Variants in IQCM observed in about 807,000 individuals in gnomAD.
The protein encoded by IQCM is IQ motif containing M.
Under a neutral mutation model 57.6 loss-of-function variants are expected in IQCM, and 45 were observed. The observed-to-expected ratio is 0.78, with a 90% confidence interval of 0.62 to 1.00. IQCM has a LOEUF of 1.00. IQCM is among the 50% of genes least tolerant of loss of function. The pLI is 0.00. For synonymous variants in IQCM, 148 were observed against 158.9 expected, an observed-to-expected ratio of 0.93 and a Z score of 0.51; for missense variants, 468 against 511.6, an observed-to-expected ratio of 0.91 and a Z score of 0.82.
intron 7 of IQCM, among the ~76,000 whole-genome samples, chr4:149,653,499 T>A (rs981699375): frequency 1.3e-5 from 2 of 152,016 alleles, no homozygotes; most frequent in Admixed American, 6.6e-5. Flanking sequence ...TATATATATA[T>A]CCTGCACACT....
chr4:149,752,064 T>C (rs2149937571), intron 2 of IQCM, among the ~76,000 whole-genome samples: 1 of 152,268 alleles, frequency 6.6e-6, no homozygotes, highest in East Asian at 1.9e-4. Flanking sequence ...AGGTATAATA[T>C]TTTGTGTACT....
Position 149,687,315 on chromosome 4 carries a change from T to C in IQCM, c.386-847A>G, listed in dbSNP as rs889118593. On this transcript the variant is annotated intron_variant, in intron 5 of 13. Coordinates refer to ENST00000636793, the MANE Select transcript of IQCM (RefSeq NM_001363507.2). ...AGAAATGGAAAACAGAATATCAATA[T>C]TGATTAACTACAGTCGGCCTTCGGT... 3.3e-5 allele frequency among the ~76,000 whole-genome samples: 5 copies of C among 151,542 alleles called. No homozygotes were observed. In the East Asian group the frequency reaches 7.8e-4, roughly 24 times the overall value.
At chr4:149,806,591 T>C (rs552675053) in intron 2 of IQCM, among the ~76,000 whole-genome samples, 5 of 152,174 alleles carry the variant, frequency 3.3e-5, no homozygotes, top group East Asian at 1.9e-4. Flanking sequence ...TTTGTCTTTC[T>C]ATGCCTAGAA....
chr4:149,647,341 ATT>A (rs147184747), intron 7 of IQCM, among the ~76,000 whole-genome samples: 149 of 150,014 alleles, frequency 9.9e-4, no homozygotes, highest in Non-Finnish European at 1.8e-3. Context: ...TTCTAAGAAC[ATT>A]TTTTTTTTAT....
chr4:149,443,114 C>A (rs1579073109), intron 12 of IQCM, among the ~76,000 whole-genome samples: 1 of 152,132 alleles, frequency 6.6e-6, no homozygotes, highest in African/African-American at 2.4e-5. Context: ...GCTGATGTTA[C>A]TATTCACAGG....
chr4:149,647,002 A>T (rs72957446), intron 7 of IQCM, among the ~76,000 whole-genome samples: 1,577 of 152,052 alleles, frequency 0.01, 16 homozygotes, highest in African/African-American at 0.027. Context: ...AATAATAATA[A>T]TTTTTTGTGT....
intron 2 of IQCM, chr4:149,793,591 C>T (rs993295970): frequency 2.6e-5 from 4 of 152,094 alleles, no homozygotes; most frequent in Non-Finnish European, 5.9e-5. Flanking sequence ...CACAAATTTG[C>T]CACAACAAAA....
chr4:149,528,981 A>G (rs549845087), intron 12 of IQCM, among the ~76,000 whole-genome samples: 13 of 152,304 alleles, frequency 8.5e-5, no homozygotes, highest in African/African-American at 3.1e-4. Context: ...AAGTAGCAAT[A>G]AAGCAAAAGT....
chr4:149,481,120 A>C (rs573145793), intron 12 of IQCM, among the ~76,000 whole-genome samples: 1 of 152,104 alleles, frequency 6.6e-6, no homozygotes, highest in Admixed American at 6.6e-5. Flanking sequence ...TTTTTCCTAG[A>C]CAGTTGTTTG....
chr4:149,410,884 T>C (rs1733337850), intron 13 of IQCM, among the ~76,000 whole-genome samples: 1 of 152,154 alleles, frequency 6.6e-6, no homozygotes. Flanking sequence ...TGATTTCACC[T>C]CACTGGATTT....
intron 5 of IQCM, among the ~76,000 whole-genome samples, chr4:149,702,213 A>G (rs1256638056): frequency 6.6e-6 from 1 of 151,774 alleles, no homozygotes; most frequent in Non-Finnish European, 1.5e-5. Flanking sequence ...AATGACACAC[A>G]TGTCACCATC....
chr4:149,470,465 T>A (rs1019620836), intron 12 of IQCM, among the ~76,000 whole-genome samples: 1 of 152,096 alleles, frequency 6.6e-6, no homozygotes, highest in Non-Finnish European at 1.5e-5. Context: ...GCACCCAGAT[T>A]CATAAAGCAA....
At chr4:149,473,993 G>T (rs892446940) in intron 12 of IQCM, among the ~76,000 whole-genome samples, 1 of 152,104 alleles carries the variant, frequency 6.6e-6, no homozygotes, top group African/African-American at 2.4e-5. Context: ...GGGAAGTGGG[G>T]AGGGATAGTA....
rs567583215 is a variant in IQCM at position 149,470,268 on chromosome 4, G to A, written c.1229-36711C>T. Among the ~76,000 whole-genome samples, 6 of 151,842 alleles carry A rather than the reference G, an allele frequency of 4.0e-5. No homozygotes were observed. In the East Asian group the frequency reaches 7.7e-4, roughly 20 times the overall value. On this transcript the variant is annotated intron_variant, in intron 12 of 13. Coordinates refer to ENST00000636793, the MANE Select transcript of IQCM (RefSeq NM_001363507.2). Reference sequence around the variant, plus strand: ...GACACACATAGGCTCAAAATAAAGGGTTGGAGGAAGATCTACCAAGCAAAT... The same window carrying A: ...GACACACATAGGCTCAAAATAAAGGATTGGAGGAAGATCTACCAAGCAAAT...
At position 149,548,606 on chromosome 4, in the gene IQCM, G is replaced by T. The variant is rs971295147; in HGVS notation, c.1094-17C>A. On this transcript the variant is annotated splice_polypyrimidine_tract_variant and intron_variant, in intron 11 of 13. Transcript: ENST00000636793. ...TTTCATAGACTAAAAGGACAAAAAT[G>T]TAAAAGAAAATATTTTTTTAAACAA... 1.7e-6 allele frequency: 2 copies of T among 1,173,654 alleles called. No homozygotes were observed. Among genetic ancestry groups the T allele is most frequent in the Non-Finnish European group, 2.1e-6 (2 of 934,906 alleles). 72.7% of individuals were successfully genotyped at this position (1,173,654 alleles called of 1,614,324 possible). A position where few individuals can be genotyped will look rare whatever the true frequency, so the allele number is the denominator to read the frequency against.
intron 12 of IQCM, among the ~76,000 whole-genome samples, chr4:149,522,758 T>C (rs1015483305): frequency 3.9e-5 from 6 of 152,084 alleles, no homozygotes; most frequent in African/African-American, 1.4e-4. Context: ...AATCAACTGA[T>C]AGAAAATTAT....
intron 2 of IQCM, among the ~76,000 whole-genome samples, chr4:149,794,481 G>C (rs1369874138): frequency 1.3e-5 from 2 of 152,160 alleles, no homozygotes; most frequent in Admixed American, 6.6e-5. Flanking sequence ...ATCCCATTCA[G>C]GGGAAATAGA....
intron 13 of IQCM, among the ~76,000 whole-genome samples, chr4:149,355,902 C>T (rs987011884): frequency 9.2e-5 from 14 of 151,968 alleles, no homozygotes; most frequent in African/African-American, 3.4e-4. Context: ...CTCTCCAGCA[C>T]CTGTTGTTTC....
At chr4:149,635,277 T>C (rs1251819929) in intron 7 of IQCM, among the ~76,000 whole-genome samples, 1 of 152,206 alleles carries the variant, frequency 6.6e-6, no homozygotes, top group African/African-American at 2.4e-5. Context: ...TTGAAGATAC[T>C]GTAAATTCCT....
Sources: allele counts gnomAD v4.1 joint callset (sites outside exome capture counted in the v4.1 genomes callset), GRCh38; gene constraint gnomAD v4.1.1; transcripts MANE v1.5; gene names NCBI Gene and HGNC (gene_info 2026-07-23, HGNC 2026-07-21).